The following DLGAP2 variants were observed in gnomAD, a reference collection of about 807,000 sequenced individuals.
The protein encoded by DLGAP2 is DLG associated protein 2.
In DLGAP2, 26 loss-of-function variants were observed where a neutral mutation model predicts 100.3. The ratio of observed to expected loss-of-function variants is 0.26; its 90% CI spans 0.19 to 0.36. The LOEUF is 0.36. Among genes scored for constraint, DLGAP2 ranks in the 10% least tolerant of loss-of-function variants. DLGAP2 has a pLI of 1.00. For synonymous variants in DLGAP2, 886 were observed against 630.1 expected, an observed-to-expected ratio of 1.41 and a Z score of -6.08; for missense variants, 1,858 against 1,453.2, an observed-to-expected ratio of 1.28 and a Z score of -4.53.
chr8:1,386,929 T>C (rs1796234246), intron 3 of DLGAP2, among the ~76,000 whole-genome samples: 2 of 152,116 alleles, frequency 1.3e-5, no homozygotes, highest in Admixed American at 6.5e-5. Flanking sequence ...CCAGGGAAGG[T>C]AAAATGTTGT....
rs1821086054 is a variant in DLGAP2 at position 761,606 on chromosome 8, T to C, written c.18+23781T>C. Reference sequence around the variant, plus strand: ...CGGGATGGGCACTGGGTCCCCTCCATGCACCCTTAGGGAACATCTTCTTTC... The same window carrying C: ...CGGGATGGGCACTGGGTCCCCTCCACGCACCCTTAGGGAACATCTTCTTTC... On this transcript the variant is annotated intron_variant, in intron 1 of 14. Coordinates refer to ENST00000637795, the MANE Select transcript of DLGAP2 (RefSeq NM_001346810.2). Among the ~76,000 whole-genome samples the C allele has an allele frequency of 2.0e-5, 3 of 152,230 alleles. No homozygotes were observed. The South Asian group carries it at 6.2e-4, about 31-fold the overall frequency.
At chr8:1,482,367 T>A (rs532488753) in intron 3 of DLGAP2, among the ~76,000 whole-genome samples, 1 of 152,348 alleles carries the variant, frequency 6.6e-6, no homozygotes, top group Non-Finnish European at 1.5e-5. Context: ...CCTCTGTCTG[T>A]TGTGGTCAGT....
intron 1 of DLGAP2, among the ~76,000 whole-genome samples, chr8:890,359 T>C (rs1798010174): frequency 1.3e-5 from 2 of 152,072 alleles, no homozygotes; most frequent in Admixed American, 6.5e-5. Flanking sequence ...CCTGGATGAG[T>C]GTTTATTCTG....
intron 2 of DLGAP2, among the ~76,000 whole-genome samples, chr8:1,216,693 T>C (rs1260547123): frequency 6.6e-6 from 1 of 152,114 alleles, no homozygotes; most frequent in East Asian, 1.9e-4. Context: ...TAAACTGCAC[T>C]ATACGATCTC....
chr8:856,523 GCAGGGTTTTAGAATA>G (rs943320906), intron 1 of DLGAP2, among the ~76,000 whole-genome samples: 1 of 151,638 alleles, frequency 6.6e-6, no homozygotes, highest in Non-Finnish European at 1.5e-5. Flanking sequence ...AACAGTTTTA[GCAGGGTTTTAGAATA>G]CAGGGTTAAT....
intron 4 of DLGAP2, 80 bp from the exon 5 acceptor site, chr8:1,548,546 G>T: frequency 3.1e-6 from 4 of 1,291,880 alleles, no homozygotes; most frequent in East Asian, 5.5e-5. Flanking sequence ...TGAAGTCCAC[G>T]GTGGGGGTCA....
rs993907839 is a variant in DLGAP2 at position 1,703,668 on chromosome 8, A to G, written c.*2262A>G. 6 of 152,258 alleles carry G rather than the reference A, an allele frequency of 3.9e-5. No homozygotes were observed. The highest frequency in any genetic ancestry group is 7.3e-5 in the Non-Finnish European group (5 of 68,048). 9.4% of individuals were successfully genotyped at this position (152,258 alleles called of 1,614,324 possible). On this transcript the variant is annotated 3_prime_UTR_variant, in exon 15 of 15. Transcript: ENST00000637795. ...ATTTCCTTGAGCTTATACAAAACAT[A>G]GAAAAGCAAACTGTTAAAGTAGTCA...
intron 8 of DLGAP2, among the ~76,000 whole-genome samples, chr8:1,654,951 C>G (rs114820949): frequency 2.0e-5 from 3 of 152,216 alleles, no homozygotes; most frequent in African/African-American, 7.2e-5. Flanking sequence ...AATACAAGTT[C>G]TCGCCGTGTG....
chr8:1,214,805 C>G (rs1403896042), intron 2 of DLGAP2, among the ~76,000 whole-genome samples: 3 of 152,214 alleles, frequency 2.0e-5, no homozygotes, highest in Non-Finnish European at 2.9e-5. Context: ...TTCTAATTAG[C>G]CTTGACTTCC....
chr8:919,695 T>C (rs1486885386), intron 2 of DLGAP2, among the ~76,000 whole-genome samples: 1 of 152,014 alleles, frequency 6.6e-6, no homozygotes, highest in Non-Finnish European at 1.5e-5. Flanking sequence ...CCAGGGAAGA[T>C]GGTCAGAAAG....
intron 8 of DLGAP2, among the ~76,000 whole-genome samples, chr8:1,638,860 A>C (rs777304877): frequency 1.8e-4 from 27 of 152,258 alleles, no homozygotes; most frequent in Non-Finnish European, 3.5e-4. Flanking sequence ...GGATGCATGC[A>C]GATCCCAGCG....
chr8:1,515,391 C>T (rs186490765), intron 4 of DLGAP2, among the ~76,000 whole-genome samples: 2 of 152,296 alleles, frequency 1.3e-5, no homozygotes, highest in East Asian at 3.9e-4. Flanking sequence ...CATACATGAA[C>T]ACACAGGCAT....
At chr8:1,295,501 C>T (rs906781229) in intron 3 of DLGAP2, among the ~76,000 whole-genome samples, 4 of 152,144 alleles carry the variant, frequency 2.6e-5, no homozygotes, top group Non-Finnish European at 4.4e-5. Flanking sequence ...CTCTGTCCAC[C>T]GTGATCTGCT....
chr8:1,519,930 C>G (rs1413120207), intron 4 of DLGAP2, among the ~76,000 whole-genome samples: 1 of 152,218 alleles, frequency 6.6e-6, no homozygotes, highest in Non-Finnish European at 1.5e-5. Flanking sequence ...TTGGGTCTAT[C>G]CTCCCACACC....
At chr8:1,370,847 A>G (rs1448396976) in intron 3 of DLGAP2, among the ~76,000 whole-genome samples, 2 of 152,236 alleles carry the variant, frequency 1.3e-5, no homozygotes, top group Admixed American at 1.3e-4. Context: ...AAAGATGAGT[A>G]ACGCACCACA....
chr8:951,856 CA>C (rs1799487969), intron 2 of DLGAP2, among the ~76,000 whole-genome samples: 1 of 152,178 alleles, frequency 6.6e-6, no homozygotes, highest in African/African-American at 2.4e-5. Context: ...CCTTTTCCCA[CA>C]ACTGTTAAGA....
rs971709260 is a variant in DLGAP2 at position 1,444,764 on chromosome 8, G to A, written c.107-56602G>A. The stretch of plus-strand genomic sequence containing the variant: ...CATTTCATGATCATGCTTTGAGCCA[G>A]GTCATTCTTTTTTTTTTTTTTTTTT... On this transcript the variant is annotated intron_variant, in intron 3 of 14. Transcript: ENST00000637795. Among the ~76,000 whole-genome samples the A allele has an allele frequency of 6.8e-5, 10 of 147,144 alleles. 1 individual carries two copies. Among genetic ancestry groups the A allele is most frequent in the African/African-American group, 2.5e-4 (10 of 39,454 alleles).
chr8:1,700,722 G>A (rs1799541735), intron 14 of DLGAP2, among the ~76,000 whole-genome samples: 1 of 152,140 alleles, frequency 6.6e-6, no homozygotes, highest in African/African-American at 2.4e-5. Flanking sequence ...ACCCATTCAC[G>A]TAAGATGGTT....
chr8:1,147,930 A>G (rs570044969), intron 2 of DLGAP2, among the ~76,000 whole-genome samples: 1 of 152,356 alleles, frequency 6.6e-6, no homozygotes, highest in Admixed American at 6.5e-5. Context: ...CGTTTACAAC[A>G]GATTGTCTAT....
Sources: allele counts gnomAD v4.1 joint callset (sites outside exome capture counted in the v4.1 genomes callset), GRCh38; gene constraint gnomAD v4.1.1; transcripts MANE v1.5; gene names NCBI Gene and HGNC (gene_info 2026-07-23, HGNC 2026-07-21).